The following CTNNA3 variants were observed in gnomAD, a reference collection of about 807,000 sequenced individuals.
The protein encoded by CTNNA3 is catenin alpha 3.
A neutral mutation model predicts 95.7 loss-of-function variants in CTNNA3; 76 were observed. That is an observed-to-expected ratio of 0.79 (90% CI 0.66 to 0.96). The LOEUF (loss-of-function observed/expected upper bound fraction) is 0.96. Ranked by LOEUF, CTNNA3 falls within the 40% of genes least tolerant of loss-of-function variation. CTNNA3 has a pLI of 0.00. For synonymous variants in CTNNA3, 431 were observed against 374.4 expected, an observed-to-expected ratio of 1.15 and a Z score of -1.74; for missense variants, 1,191 against 1,089.8, an observed-to-expected ratio of 1.09 and a Z score of -1.31.
chr10:66,291,800 T>A (rs1022578215), intron 12 of CTNNA3, among the ~76,000 whole-genome samples: 1 of 151,500 alleles, frequency 6.6e-6, no homozygotes, highest in Admixed American at 6.6e-5. Flanking sequence ...GTATTTGGCA[T>A]ATATATACAC....
intron 14 of CTNNA3, among the ~76,000 whole-genome samples, chr10:66,072,352 G>T (rs989934905): frequency 6.6e-6 from 1 of 152,100 alleles, no homozygotes; most frequent in African/African-American, 2.4e-5. Flanking sequence ...AGGGAACACA[G>T]ATTTTTATTG....
At chr10:67,298,585 A>T (rs535318444) in intron 5 of CTNNA3, among the ~76,000 whole-genome samples, 1 of 152,342 alleles carries the variant, frequency 6.6e-6, no homozygotes, top group East Asian at 1.9e-4. Flanking sequence ...TTGATGTTCT[A>T]TTGGGTATAA....
chr10:66,254,174 G>A (rs929282779), intron 13 of CTNNA3, among the ~76,000 whole-genome samples: 16 of 152,092 alleles, frequency 1.1e-4, no homozygotes, highest in African/African-American at 3.1e-4. Flanking sequence ...CATCTTGTTC[G>A]AGGAAAATTA....
At chr10:66,077,313 C>A (rs2080586205) in intron 14 of CTNNA3, among the ~76,000 whole-genome samples, 1 of 151,610 alleles carries the variant, frequency 6.6e-6, no homozygotes, top group Admixed American at 6.6e-5. Flanking sequence ...TAATTTTTCA[C>A]AATAAAAAAT....
chr10:66,332,958 G>T lies in CTNNA3; in HGVS notation c.1732+46194C>A, dbSNP rs564676874. 2.0e-5 allele frequency among the ~76,000 whole-genome samples: 3 copies of T among 152,144 alleles called. No individual in the cohort carries two copies. In the East Asian group the frequency reaches 5.8e-4, roughly 29 times the overall value. On this transcript the variant is annotated intron_variant, in intron 12 of 17. Transcript: ENST00000433211. ...ACTTCTTCCTGGTTTAGTCTTGGGA[G>T]GGTGTATGTGTCTAGGAATTTATCC...
intron 13 of CTNNA3, among the ~76,000 whole-genome samples, chr10:66,269,617 T>C (rs879917283): frequency 6.6e-6 from 1 of 152,184 alleles, no homozygotes; most frequent in Admixed American, 6.6e-5. Flanking sequence ...TAAAACACAC[T>C]TTAATCATTA....
At chr10:66,762,396 G>A (rs1423259141) in intron 9 of CTNNA3, among the ~76,000 whole-genome samples, 1 of 151,966 alleles carries the variant, frequency 6.6e-6, no homozygotes, top group African/African-American at 2.4e-5. Context: ...CTCAAAGTAG[G>A]AAAAGTTTGC....
At chr10:66,102,886 T>C (rs1427122900) in intron 14 of CTNNA3, among the ~76,000 whole-genome samples, 1 of 152,184 alleles carries the variant, frequency 6.6e-6, no homozygotes, top group African/African-American at 2.4e-5. Flanking sequence ...ATATTTCACT[T>C]TTATATTCCC....
At chr10:66,881,681 T>G (rs1844857058) in intron 7 of CTNNA3, among the ~76,000 whole-genome samples, 1 of 152,076 alleles carries the variant, frequency 6.6e-6, no homozygotes, top group Non-Finnish European at 1.5e-5. Flanking sequence ...GCAATGACAC[T>G]GATCAGCAAC....
intron 7 of CTNNA3, among the ~76,000 whole-genome samples, chr10:67,044,330 C>T (rs142432728): frequency 1.3e-5 from 2 of 152,142 alleles, no homozygotes; most frequent in East Asian, 1.9e-4. Context: ...ATTTCCAAAA[C>T]GTTTAAAGTT....
chr10:66,114,347 A>G (rs952356494), intron 13 of CTNNA3, among the ~76,000 whole-genome samples: 2 of 151,850 alleles, frequency 1.3e-5, no homozygotes, highest in African/African-American at 4.8e-5. Context: ...TTGTTAACTG[A>G]ATATCTGTAT....
rs1491481692 is a variant in CTNNA3 at position 66,957,414 on chromosome 10, GCA to G, written c.1048-181892_1048-181891del. On this transcript the variant is annotated intron_variant, in intron 7 of 17. Coordinates refer to ENST00000433211, the MANE Select transcript of CTNNA3 (RefSeq NM_013266.4). ...TATACATATATATATATATATATAT[GCA>G]TATATATATATGCATATATATATAT... Among the ~76,000 whole-genome samples, 88 of 25,272 alleles carry G rather than the reference GCA, an allele frequency of 3.5e-3. 5 individuals are homozygous for G. In the East Asian group the frequency reaches 0.054, roughly 16 times the overall value. The allele number at this position is 25,272 out of a possible 152,430, so 16.6% of individuals were successfully genotyped here.
chr10:67,297,357 A>T (rs1840084398), intron 5 of CTNNA3, among the ~76,000 whole-genome samples: 1 of 152,192 alleles, frequency 6.6e-6, no homozygotes. Context: ...CCATCCATGA[A>T]TTACTGCATA....
At chr10:66,651,653 C>CCT (rs569047116) in intron 9 of CTNNA3, among the ~76,000 whole-genome samples, 342 of 151,648 alleles carry the variant, frequency 2.3e-3, no homozygotes, top group African/African-American at 7.6e-3. Context: ...GCGCAGTGCC[C>CCT]GCCGGCCGGC....
intron 13 of CTNNA3, among the ~76,000 whole-genome samples, chr10:66,186,149 C>A (rs1042341059): frequency 6.6e-6 from 1 of 151,968 alleles, no homozygotes; most frequent in Non-Finnish European, 1.5e-5. Context: ...AGAGAACTGA[C>A]AAGTGTTTGA....
intron 7 of CTNNA3, among the ~76,000 whole-genome samples, chr10:67,172,836 A>T (rs1564941462): frequency 6.6e-6 from 1 of 152,034 alleles, no homozygotes; most frequent in Non-Finnish European, 1.5e-5. Flanking sequence ...TTAGCCAGCT[A>T]TGGTGGTGTA....
intron 1 of CTNNA3, among the ~76,000 whole-genome samples, chr10:67,715,016 C>A (rs1005434207): frequency 1.3e-5 from 2 of 152,106 alleles, no homozygotes; most frequent in African/African-American, 4.8e-5. Flanking sequence ...ATGTCTTGAT[C>A]AGCAGCATGA....
intron 7 of CTNNA3, among the ~76,000 whole-genome samples, chr10:66,823,879 C>T (rs901373192): frequency 2.6e-5 from 4 of 152,084 alleles, no homozygotes; most frequent in African/African-American, 9.7e-5. Context: ...TAAGCATACA[C>T]CATCCACGGG....
At chr10:66,937,247 G>A (rs527485170) in intron 7 of CTNNA3, among the ~76,000 whole-genome samples, 12 of 152,016 alleles carry the variant, frequency 7.9e-5, no homozygotes, top group Non-Finnish European at 1.2e-4. Flanking sequence ...TCTCAACATC[G>A]TCATCCTAAT....
Sources: gnomAD v4.1 joint callset for allele counts (sites outside exome capture counted in the v4.1 genomes callset) on GRCh38, gnomAD v4.1.1 for gene constraint, MANE v1.5 for transcripts, NCBI Gene and HGNC (gene_info 2026-07-23, HGNC 2026-07-21) for gene names.